Variants in PAX8 observed in about 807,000 individuals in gnomAD.
PAX8 encodes paired box protein Pax-8.
Under a neutral mutation model 52.4 loss-of-function variants are expected in PAX8, and 15 were observed. That is an observed-to-expected ratio of 0.29 (90% CI 0.19 to 0.44). The LOEUF (loss-of-function observed/expected upper bound fraction) is 0.44, where lower values mean the gene tolerates loss of function less well. Among genes scored for constraint, PAX8 ranks in the 20% least tolerant of loss-of-function variants. The pLI, the probability that PAX8 is intolerant of heterozygous loss-of-function variation, is 1.00. For missense variants in PAX8, 554 were observed against 602.5 expected (o/e 0.92, Z 0.84); for synonymous variants, 284 against 249.7 (o/e 1.14, Z -1.29).
intron 4 of PAX8, among the ~76,000 whole-genome samples, chr2:113,243,401 T>C (rs1265043934): frequency 6.6e-6 from 1 of 152,076 alleles, no homozygotes; most frequent in African/African-American, 2.4e-5. Flanking sequence ...TTCTTTCTTT[T>C]TTTTTTTGAG....
intron 7 of PAX8, 96 bp downstream of exon 7, chr2:113,241,455 C>T: frequency 7.8e-7 from 1 of 1,284,638 alleles, no homozygotes; most frequent in Non-Finnish European, 1.1e-6. Context: ...ATTGATGCAA[C>T]TTCCAGCTGC....
At chr2:113,259,945 G>A (rs527287846) in intron 2 of PAX8, among the ~76,000 whole-genome samples, 81 of 152,292 alleles carry the variant, frequency 5.3e-4, no homozygotes, top group African/African-American at 1.8e-3. Flanking sequence ...AGCACCTGCC[G>A]AACACGCGTT....
intron 2 of PAX8, chr2:113,275,942 GGAGGCCGCGCGGGGAGGTTTTCTC>G (rs1474609797): frequency 2.0e-5 from 3 of 152,230 alleles, no homozygotes; most frequent in Non-Finnish European, 2.9e-5. Flanking sequence ...GCTGGGCGGC[GGAGGCCGCGCGGGGAGGTTTTCTC>G]GAGCGTCCCC....
At position 113,246,720 on chromosome 2, in the gene PAX8, G is replaced by A. The variant is rs573665277; in HGVS notation, c.191+34C>T. On this transcript the variant is annotated intron_variant, in intron 3 of 11. Transcript: ENST00000429538. ...ATCAGCTGGAGAAGTCAAGCCCTGC[G>A]GGGAAGGCGGCCTGCGGTGAATTTC... 17 of 1,605,874 alleles carry A rather than the reference G, an allele frequency of 1.1e-5. No homozygotes were observed. The East Asian group carries it at 2.2e-4, about 21-fold the overall frequency.
intron 9 of PAX8, chr2:113,230,370 C>T (rs1689818499): frequency 6.6e-6 from 1 of 152,300 alleles, no homozygotes; most frequent in Non-Finnish European, 1.5e-5. Flanking sequence ...GCATATACTC[C>T]CCTTACAACA....
Position 113,217,103 on chromosome 2 carries a change from T to TG in PAX8, c.*1429dup, listed in dbSNP as rs1190907556. 4.4e-6 allele frequency: 1 copy of TG among 229,316 alleles called. No homozygotes were observed. Among genetic ancestry groups the TG allele is most frequent in the Non-Finnish European group, 8.7e-6 (1 of 115,564 alleles). 14.2% of individuals were successfully genotyped at this position (229,316 alleles called of 1,614,324 possible). A position where few individuals can be genotyped will look rare whatever the true frequency, so the allele number is the denominator to read the frequency against. Reference sequence around the variant, plus strand: ...TGTTAATAACAACAGCAACTCCTTGTGGGGAGTCTATGGTTGGCTCAGTAC... The same window carrying TG: ...TGTTAATAACAACAGCAACTCCTTGTGGGGGAGTCTATGGTTGGCTCAGTAC... On this transcript the variant is annotated 3_prime_UTR_variant, in exon 12 of 12. Transcript: ENST00000429538.
At position 113,236,502 on chromosome 2, in the gene PAX8, C is replaced by T. The variant is rs77270532; in HGVS notation, c.898+99G>A. On this transcript the variant is annotated intron_variant, in intron 8 of 11. Transcript: ENST00000429538. ...GCGGCCCGGCCGGCACAGCCCGCCTCTCCTCTCCAGGCCAGGGCCCCACAC... is the reference window on the plus strand; with the variant it reads ...GCGGCCCGGCCGGCACAGCCCGCCTTTCCTCTCCAGGCCAGGGCCCCACAC... The T allele has an allele frequency of 0.14, 192,470 of 1,388,384 alleles. 15,078 individuals carry two copies. Among genetic ancestry groups the T allele is most frequent in the South Asian group, 0.24 (17,621 of 73,038 alleles). The allele number at this position is 1,388,384 out of a possible 1,614,324, so 86.0% of individuals were successfully genotyped here.
At chr2:113,277,857 G>A (rs940805834) in intron 2 of PAX8, among the ~76,000 whole-genome samples, 2 of 152,162 alleles carry the variant, frequency 1.3e-5, no homozygotes, top group African/African-American at 4.8e-5. Context: ...GAGCACCTGA[G>A]TGCGCTGCCG....
intron 2 of PAX8, chr2:113,271,716 G>A (rs956007517): frequency 4.1e-5 from 6 of 146,282 alleles, no homozygotes; most frequent in African/African-American, 1.3e-4. Context: ...TCTAGTAGCC[G>A]AGTTCTGATG....
At chr2:113,219,598 G>T (rs1363771374) in intron 11 of PAX8, among the ~76,000 whole-genome samples, 1 of 152,200 alleles carries the variant, frequency 6.6e-6, no homozygotes, top group Non-Finnish European at 1.5e-5. Flanking sequence ...CTGTTTAAGG[G>T]TTTGGTGCTG....
chr2:113,277,880 G>T (rs1477875317), intron 2 of PAX8, among the ~76,000 whole-genome samples: 1 of 152,132 alleles, frequency 6.6e-6, no homozygotes, highest in East Asian at 1.9e-4. Flanking sequence ...TCCCGGGCCC[G>T]GGACCACCGG....
chr2:113,254,402 G>A (rs1208227073), intron 2 of PAX8, among the ~76,000 whole-genome samples: 1 of 152,062 alleles, frequency 6.6e-6, no homozygotes, highest in Non-Finnish European at 1.5e-5. Context: ...ATGGGGTGGG[G>A]GTGCAAGAGA....
At chr2:113,263,008 A>G (rs753275170) in intron 2 of PAX8, among the ~76,000 whole-genome samples, 17 of 152,244 alleles carry the variant, frequency 1.1e-4, no homozygotes, top group Non-Finnish European at 2.5e-4. Flanking sequence ...TGAATTTCAC[A>G]CAGCAGGCTT....
At chr2:113,278,683 A>T (rs1694000914) in intron 1 of PAX8, 148 bp downstream of exon 1, 1 of 628,694 alleles carries the variant, frequency 1.6e-6, no homozygotes. Context: ...CCAGACTCCA[A>T]CCTCCGTGCC....
chr2:113,238,966 A>G (rs1171711608), intron 7 of PAX8: 1 of 151,404 alleles, frequency 6.6e-6, no homozygotes, highest in Admixed American at 6.6e-5. Context: ...ATGCATTTGT[A>G]AAATAGGGAA....
chr2:113,275,522 A>G (rs951427509), intron 2 of PAX8: 2 of 152,248 alleles, frequency 1.3e-5, no homozygotes, highest in Non-Finnish European at 2.9e-5. Context: ...GGGAAGTTAG[A>G]GACATCGTCC....
intron 9 of PAX8, 106 bp downstream of exon 9, chr2:113,235,288 G>T (rs931085686): frequency 1.1e-6 from 1 of 908,674 alleles, no homozygotes; most frequent in Admixed American, 2.8e-5. Context: ...GGAACAGGGT[G>T]GGGGTGGATG....
intron 2 of PAX8, chr2:113,271,389 C>T (rs1293671749): frequency 2.0e-5 from 3 of 152,306 alleles, no homozygotes; most frequent in Non-Finnish European, 2.9e-5. Flanking sequence ...GATGGAGACA[C>T]GGCAGCCTTG....
intron 9 of PAX8, among the ~76,000 whole-genome samples, chr2:113,232,208 C>T (rs1022243484): frequency 6.6e-6 from 1 of 152,208 alleles, no homozygotes; most frequent in Non-Finnish European, 1.5e-5. Context: ...CTCAGGTGGA[C>T]AGTCTGTAAG....
Sources: gnomAD v4.1 joint callset for allele counts (sites outside exome capture counted in the v4.1 genomes callset) on GRCh38, gnomAD v4.1.1 for gene constraint, MANE v1.5 for transcripts, NCBI Gene and HGNC (gene_info 2026-07-23, HGNC 2026-07-21) for gene names.